Variants in ATP2B2 observed in about 807,000 individuals in gnomAD.
ATP2B2 encodes ATPase plasma membrane Ca2+ transporting 2.
In ATP2B2, 15 loss-of-function variants were observed where a neutral mutation model predicts 120.0. The observed-to-expected ratio is 0.12, with a 90% confidence interval of 0.08 to 0.19. The LOEUF (loss-of-function observed/expected upper bound fraction) is 0.19, where lower values mean the gene tolerates loss of function less well. ATP2B2 is among the 10% of genes least tolerant of loss of function. The pLI is 1.00. For missense variants in ATP2B2, 1,045 were observed against 1,719.8 expected, an observed-to-expected ratio of 0.61 and a Z score of 6.94; for synonymous variants, 694 against 700.3, an observed-to-expected ratio of 0.99 and a Z score of 0.14.
chr3:10,355,819 ATC>A (rs2060703126), intron 14 of ATP2B2, among the ~76,000 whole-genome samples: 2 of 25,380 alleles, frequency 7.9e-5, no homozygotes, highest in Non-Finnish European at 1.5e-4. Flanking sequence ...CACGCCTGTA[ATC>A]CCAGCACTTT....
intron 5 of ATP2B2, 60 bp from the exon 6 acceptor site, chr3:10,388,462 A>G: frequency 6.2e-7 from 1 of 1,613,116 alleles, no homozygotes; most frequent in Non-Finnish European, 8.5e-7. Context: ...TCCCCAAAGG[A>G]GTGAAAAAAT....
chr3:10,542,996 C>G (rs1226569991), intron 2 of ATP2B2, among the ~76,000 whole-genome samples: 1 of 152,166 alleles, frequency 6.6e-6, no homozygotes, highest in Non-Finnish European at 1.5e-5. Flanking sequence ...TTTGTTAAAT[C>G]AAGGCTCTGT....
At chr3:10,624,802 T>C (rs1019744029) in intron 1 of ATP2B2, among the ~76,000 whole-genome samples, 1 of 152,244 alleles carries the variant, frequency 6.6e-6, no homozygotes, top group Admixed American at 6.5e-5. Flanking sequence ...AAGCACTTTC[T>C]GAGGAAAAGC....
Position 10,655,650 on chromosome 3 carries a change from C to T in ATP2B2, c.-459-35689G>A, listed in dbSNP as rs536067969. Among the ~76,000 whole-genome samples the T allele has an allele frequency of 3.9e-5, 6 of 152,328 alleles. No individual in the cohort carries two copies. The South Asian group carries it at 8.3e-4, about 21-fold the overall frequency. Reference sequence around the variant, plus strand: ...ACATCAGTCGAAGAAGAACAGGCCCCATGTCCCTGGACTTACGTGGAGTCA... The same window carrying T: ...ACATCAGTCGAAGAAGAACAGGCCCTATGTCCCTGGACTTACGTGGAGTCA... On this transcript the variant is annotated intron_variant, in intron 1 of 21. Coordinates refer to the ATP2B2 transcript ENST00000646379.
intron 12 of ATP2B2, among the ~76,000 whole-genome samples, chr3:10,364,187 C>T (rs1388060606): frequency 1.3e-5 from 2 of 152,092 alleles, no homozygotes; most frequent in East Asian, 1.9e-4. Flanking sequence ...GTCAGATTTA[C>T]AGACAGAAAG....
intron 1 of ATP2B2, among the ~76,000 whole-genome samples, chr3:10,684,635 T>G (rs184382111): frequency 3.3e-5 from 5 of 152,348 alleles, no homozygotes; most frequent in Admixed American, 6.5e-5. Flanking sequence ...TTATCATCGT[T>G]AGAGTATCTG....
At chr3:10,413,335 A>G (rs1350236963) in intron 2 of ATP2B2, among the ~76,000 whole-genome samples, 1 of 152,198 alleles carries the variant, frequency 6.6e-6, no homozygotes, top group Non-Finnish European at 1.5e-5. Flanking sequence ...GCTGGCTGAG[A>G]CACTCCCACT....
intron 1 of ATP2B2, among the ~76,000 whole-genome samples, chr3:10,460,656 C>G (rs527551846): frequency 6.6e-6 from 1 of 152,148 alleles, no homozygotes; most frequent in Non-Finnish European, 1.5e-5. Context: ...TTTTAGGGGG[C>G]AGGACTGAGC....
intron 18 of ATP2B2, among the ~76,000 whole-genome samples, chr3:10,344,364 C>T: frequency 6.6e-6 from 1 of 152,104 alleles, no homozygotes; most frequent in East Asian, 1.9e-4. Flanking sequence ...GAAAGAGGGC[C>T]CTTCTGAGCA....
intron 1 of ATP2B2, among the ~76,000 whole-genome samples, chr3:10,648,065 G>A (rs1022623552): frequency 6.6e-6 from 1 of 152,192 alleles, no homozygotes; most frequent in East Asian, 1.9e-4. Flanking sequence ...GGGAGCACTT[G>A]GGCATATAAG....
chr3:10,363,032 T>G (rs1035625342), intron 12 of ATP2B2, among the ~76,000 whole-genome samples: 1 of 152,210 alleles, frequency 6.6e-6, no homozygotes, highest in Non-Finnish European at 1.5e-5. Flanking sequence ...AATTACTTAT[T>G]TGCCCAAGAG....
intron 12 of ATP2B2, 32 bp downstream of exon 12, chr3:10,371,777 C>T (rs776174167): frequency 2.5e-6 from 4 of 1,613,992 alleles, no homozygotes; most frequent in Middle Eastern, 1.7e-4. Flanking sequence ...GGATGTTGCT[C>T]CAGGTGGTGG....
chr3:10,503,751 T>G (rs1284705701), intron 1 of ATP2B2, among the ~76,000 whole-genome samples: 1 of 152,240 alleles, frequency 6.6e-6, no homozygotes, highest in Non-Finnish European at 1.5e-5. Context: ...GAGCCCCACA[T>G]GTGTGTGCCT....
rs1430993373 is a variant in ATP2B2, at chr3:10,685,321, G to C, written c.-460+22594C>G. Among the ~76,000 whole-genome samples, 3 of 152,348 alleles carry C rather than the reference G, an allele frequency of 2.0e-5. 1 individual carries two copies. The highest frequency in any genetic ancestry group is 6.8e-3 in the Middle Eastern group (2 of 294). On this transcript the variant is annotated intron_variant, in intron 1 of 21. Coordinates refer to the ATP2B2 transcript ENST00000646379. ...ACCAGACGGGTCCTGAAGAGGTACA[G>C]AACAGAACAGATGATCTTCAAGCAG...
intron 1 of ATP2B2, among the ~76,000 whole-genome samples, chr3:10,670,511 G>A (rs1038771226): frequency 1.3e-5 from 2 of 152,084 alleles, no homozygotes; most frequent in South Asian, 4.1e-4. Flanking sequence ...TCTGCCTCCC[G>A]GGTTCAAGCA....
chr3:10,385,410 G>T, intron 7 of ATP2B2, 83 bp from the exon 8 acceptor site: 1 of 1,232,550 alleles, frequency 8.1e-7, no homozygotes, highest in South Asian at 1.2e-5. Flanking sequence ...CAACTTGTGG[G>T]GAGATAACAT....
rs78876193 is a variant in ATP2B2 at position 10,525,883 on chromosome 3, T to A, written c.-320+8156A>T. Among the ~76,000 whole-genome samples, 581 of 152,302 alleles carry A rather than the reference T, an allele frequency of 3.8e-3. 2 individuals are homozygous for A. Among genetic ancestry groups the A allele is most frequent in the African/African-American group, 0.013 (556 of 41,566 alleles). ...CCCAGGACTCCCTGTTATATTTCAC[T>A]CATTCTCTGTCATTGTTTTGTATCA... On this transcript the variant is annotated intron_variant, in intron 3 of 21. Transcript: ENST00000646379.
At chr3:10,536,030 A>G (rs1457920030) in intron 2 of ATP2B2, among the ~76,000 whole-genome samples, 2 of 152,048 alleles carry the variant, frequency 1.3e-5, no homozygotes, top group African/African-American at 2.4e-5. Flanking sequence ...ATCTTCATCG[A>G]CATTTGGTGT....
At chr3:10,524,313 C>A (rs927929936) in intron 3 of ATP2B2, among the ~76,000 whole-genome samples, 5 of 152,206 alleles carry the variant, frequency 3.3e-5, no homozygotes, top group Admixed American at 1.3e-4. Context: ...GTATCAGGTA[C>A]AATTCTAAGC....
Sources: gnomAD v4.1 joint callset for allele counts (sites outside exome capture counted in the v4.1 genomes callset) on GRCh38, gnomAD v4.1.1 for gene constraint, MANE v1.5 for transcripts, NCBI Gene and HGNC (gene_info 2026-07-23, HGNC 2026-07-21) for gene names.